The following NLRP5 variants were observed in gnomAD, a reference collection of about 807,000 sequenced individuals.
The protein encoded by NLRP5 is NLR family pyrin domain containing 5.
Under a neutral mutation model 113.1 loss-of-function variants are expected in NLRP5, and 93 were observed. That is an observed-to-expected ratio of 0.82 (90% CI 0.70 to 0.98). The LOEUF (loss-of-function observed/expected upper bound fraction) is 0.98. NLRP5 is among the 50% of genes least tolerant of loss of function. The pLI is 0.00. For missense variants in NLRP5, 1,808 were observed against 1,514.3 expected (o/e 1.19, Z -3.22); for synonymous variants, 751 against 600.7 (o/e 1.25, Z -3.66).
chr19:56,031,627 C>CAAAAA (rs36019339), intron 7 of NLRP5, among the ~76,000 whole-genome samples: 1 of 113,178 alleles, frequency 8.8e-6, no homozygotes, highest in Non-Finnish European at 1.9e-5. Flanking sequence ...ACTCCGTCTC[C>CAAAAA]AAAAAAAAAA....
Position 56,027,982 on chromosome 19 carries a change from C to T in NLRP5, c.1749C>T (p.Phe583=). ...ACTGTGAGGAGTACTACACCTTCTT[C>T]CACCTCAGTCTCCAGGACTTCTGTG... Residue 583 remains phenylalanine, a synonymous_variant, in exon 7 of 15, where the codon TTC becomes TTT. Coordinates refer to ENST00000390649, the MANE Select transcript of NLRP5 (RefSeq NM_153447.4). 4 of 1,614,008 alleles carry T rather than the reference C, an allele frequency of 2.5e-6. No homozygotes were observed. In the South Asian group the frequency reaches 3.3e-5, roughly 13 times the overall value.
At chr19:56,025,151 A>G (rs936164117) in intron 6 of NLRP5, among the ~76,000 whole-genome samples, 1 of 152,170 alleles carries the variant, frequency 6.6e-6, no homozygotes, top group Non-Finnish European at 1.5e-5. Flanking sequence ...CACTGATCCT[A>G]CATTATGGTG....
At chr19:56,023,296 A>G (rs1568488992) in intron 6 of NLRP5, among the ~76,000 whole-genome samples, 1 of 152,200 alleles carries the variant, frequency 6.6e-6, no homozygotes, top group Non-Finnish European at 1.5e-5. Context: ...CAGTCCTCTG[A>G]GGACAACAGG....
Position 56,028,428 on chromosome 19 carries a change from A to G in NLRP5, c.2195A>G (p.Tyr732Cys), listed in dbSNP as rs1316443245. 3 of 1,613,914 alleles carry G rather than the reference A, an allele frequency of 1.9e-6. No individual in the cohort carries two copies. The highest frequency in any genetic ancestry group is 2.5e-6 in the Non-Finnish European group (3 of 1,179,886). Reference sequence around the variant, plus strand: ...TCCTTCTGCCTCCAGCACTGTCCGTATTTGCGGAAAATTCGGGTGGATGTC... The same window carrying G: ...TCCTTCTGCCTCCAGCACTGTCCGTGTTTGCGGAAAATTCGGGTGGATGTC... The change falls in exon 7 of 15, where the codon TAT (tyrosine) becomes TGT (cysteine). Residue 732 changes from tyrosine (Y) to cysteine (C), a missense_variant. Transcript: ENST00000390649.
intron 2 of NLRP5, among the ~76,000 whole-genome samples, chr19:56,007,999 G>A (rs1982012632): frequency 7.2e-6 from 1 of 139,524 alleles, no homozygotes; most frequent in Non-Finnish European, 1.6e-5. Flanking sequence ...CGCGATCTCG[G>A]CTCACTGCAA....
intron 7 of NLRP5, among the ~76,000 whole-genome samples, chr19:56,029,640 A>G (rs1983015152): frequency 1.3e-5 from 2 of 152,174 alleles, no homozygotes; most frequent in Non-Finnish European, 2.9e-5. Flanking sequence ...ACTTTGCTGG[A>G]CTGTCTCAGT....
intron 12 of NLRP5, among the ~76,000 whole-genome samples, chr19:56,051,068 G>C (rs745808288): frequency 6.6e-6 from 1 of 152,218 alleles, no homozygotes; most frequent in Non-Finnish European, 1.5e-5. Flanking sequence ...AGTCATCCCT[G>C]TTAGTGGTTT....
chr19:56,008,153 C>T (rs965185762), intron 2 of NLRP5, among the ~76,000 whole-genome samples: 1 of 151,528 alleles, frequency 6.6e-6, no homozygotes, highest in South Asian at 2.1e-4. Flanking sequence ...TGGTCTCGAT[C>T]TCCTGACCTC....
chr19:56,036,670 A>G (rs958988053), intron 9 of NLRP5, among the ~76,000 whole-genome samples: 1 of 152,168 alleles, frequency 6.6e-6, no homozygotes, highest in Admixed American at 6.5e-5. Flanking sequence ...CTAAAATTCA[A>G]CACAGACCAG....
chr19:55,990,723 G>A, the NLRP5 span, among the ~76,000 whole-genome samples: 1 of 152,280 alleles, frequency 6.6e-6, no homozygotes, highest in African/African-American at 2.4e-5. Context: ...TACTCGGGAG[G>A]CTGAGGCAGG....
chr19:56,053,668 CTG>C lies in NLRP5; in HGVS notation c.3162_3163del (p.Cys1054Ter). On this transcript the variant is annotated frameshift_variant, in exon 13 of 15. Coordinates refer to ENST00000390649, the MANE Select transcript of NLRP5 (RefSeq NM_153447.4). LOFTEE classifies it high-confidence loss of function. ...TAAAGTGTCATCTCACCGCCGCGTG[CTG>C]TGAGAGTCTGTCCTGTGTGATCTCG... 1 of 1,613,928 alleles carries C rather than the reference CTG, an allele frequency of 6.2e-7. No individual in the cohort carries two copies. The highest frequency in any genetic ancestry group is 8.5e-7 in the Non-Finnish European group (1 of 1,179,858).
At chr19:56,003,443 T>C (rs1326679506) in intron 1 of NLRP5, among the ~76,000 whole-genome samples, 1 of 152,218 alleles carries the variant, frequency 6.6e-6, no homozygotes, top group African/African-American at 2.4e-5. Context: ...CGTGAGCCAC[T>C]GCACCTGGCC....
Position 56,027,221 on chromosome 19 carries a change from A to G in NLRP5, c.988A>G (p.Ser330Gly), listed in dbSNP as rs763476140. 1 of 1,612,504 alleles carries G rather than the reference A, an allele frequency of 6.2e-7. No individual in the cohort carries two copies. Among genetic ancestry groups the G allele is most frequent in the East Asian group, 2.2e-5 (1 of 44,850 alleles). Residue 330 changes from serine (S) to glycine (G), a missense_variant, in exon 7 of 15, where the codon AGC (serine) becomes GGC (glycine). Coordinates refer to ENST00000390649, the MANE Select transcript of NLRP5 (RefSeq NM_153447.4). The stretch of plus-strand genomic sequence containing the variant: ...TAGAGAGATGCAGCGGAAGAAGGAG[A>G]GCAGTGTCACAGAGTTCATCTCCAG...
chr19:56,030,811 T>G (rs1248172461), intron 7 of NLRP5, among the ~76,000 whole-genome samples: 1 of 139,680 alleles, frequency 7.2e-6, no homozygotes, highest in East Asian at 2.3e-4. Context: ...ACCTCCTGGG[T>G]TCAAGCGATT....
intron 2 of NLRP5, among the ~76,000 whole-genome samples, chr19:56,007,889 G>GCA (rs1981990773): frequency 8.1e-5 from 7 of 86,222 alleles, no homozygotes; most frequent in African/African-American, 2.7e-4. Context: ...GTGTGTGTGT[G>GCA]CGCGTGCGCG....
chr19:56,034,250 G>A (rs767556913), intron 9 of NLRP5, among the ~76,000 whole-genome samples: 5 of 152,290 alleles, frequency 3.3e-5, no homozygotes, highest in South Asian at 2.1e-4. Flanking sequence ...TTAGCCAGGC[G>A]TGGCAGCCAC....
chr19:56,060,562 G>A (rs1477326050), intron 14 of NLRP5, among the ~76,000 whole-genome samples: 1 of 151,976 alleles, frequency 6.6e-6, no homozygotes, highest in Non-Finnish European at 1.5e-5. Flanking sequence ...AGAACTTACT[G>A]TACCTCCCCA....
chr19:56,006,657 G>A lies in NLRP5; in HGVS notation c.443-2131G>A, dbSNP rs190973090. Among the ~76,000 whole-genome samples the A allele has an allele frequency of 9.3e-4, 142 of 152,074 alleles. 1 individual carries two copies. Among genetic ancestry groups the A allele is most frequent in the Admixed American group, 6.1e-3 (94 of 15,292 alleles). On this transcript the variant is annotated intron_variant, in intron 2 of 14. Transcript: ENST00000390649. ...TGAGGCAGGAGAATCACTTGAACCC[G>A]GGAGGTAGAGGTTGCAGTGAGTCAA...
intron 9 of NLRP5, among the ~76,000 whole-genome samples, chr19:56,037,466 GGGT>G (rs1983359772): frequency 6.6e-6 from 1 of 152,062 alleles, no homozygotes. Context: ...AGGCCAAGGC[GGGT>G]GGAGCACAAG....
Sources: gnomAD v4.1 joint callset for allele counts (sites outside exome capture counted in the v4.1 genomes callset) on GRCh38, gnomAD v4.1.1 for gene constraint, MANE v1.5 for transcripts, NCBI Gene and HGNC (gene_info 2026-07-23, HGNC 2026-07-21) for gene names.